The following RBMS3 variants were observed in gnomAD, a reference collection of about 807,000 sequenced individuals.
RBMS3 encodes RNA-binding motif, single-stranded-interacting protein 3.
A neutral mutation model predicts 66.8 loss-of-function variants in RBMS3; 27 were observed. The observed-to-expected ratio is 0.40, with a 90% CI of 0.30 to 0.56. The LOEUF is 0.56. Ranked by LOEUF, RBMS3 falls within the 20% of genes least tolerant of loss-of-function variation. The pLI, the probability that RBMS3 is intolerant of heterozygous loss-of-function variation, is 0.40. For synonymous variants in RBMS3, 188 were observed against 183.0 expected (o/e 1.03, Z -0.22); for missense variants, 513 against 549.5 (o/e 0.93, Z 0.66).
intron 1 of RBMS3, among the ~76,000 whole-genome samples, chr3:29,398,174 G>A (rs2039642778): frequency 6.6e-6 from 1 of 152,178 alleles, no homozygotes; most frequent in Non-Finnish European, 1.5e-5. Flanking sequence ...TAGAGGTAAT[G>A]ATGAGATGAA....
At chr3:29,741,531 C>T (rs76471990) in intron 5 of RBMS3, among the ~76,000 whole-genome samples, 3,449 of 152,302 alleles carry the variant, frequency 0.023, 54 homozygotes, top group Non-Finnish European at 0.032. Flanking sequence ...CCTCCAAAAA[C>T]TCTCCAATAA....
At chr3:29,329,842 A>C (rs1192211056) in intron 1 of RBMS3, among the ~76,000 whole-genome samples, 1 of 148,072 alleles carries the variant, frequency 6.8e-6, no homozygotes, top group African/African-American at 2.4e-5. Context: ...AATCATGTGA[A>C]AAATTTTAAT....
At chr3:29,922,134 C>G (rs919558950) in intron 10 of RBMS3, among the ~76,000 whole-genome samples, 2 of 152,218 alleles carry the variant, frequency 1.3e-5, no homozygotes, top group Non-Finnish European at 2.9e-5. Flanking sequence ...GTGAAACTTA[C>G]TCTATTATAG....
chr3:29,538,985 AT>A (rs893743459), intron 3 of RBMS3, among the ~76,000 whole-genome samples: 88 of 152,164 alleles, frequency 5.8e-4, no homozygotes, highest in African/African-American at 2.0e-3. Flanking sequence ...AAATAACCCC[AT>A]TTTTTTGCTT....
intron 1 of RBMS3, among the ~76,000 whole-genome samples, chr3:29,389,309 G>A (rs1290756733): frequency 6.6e-6 from 1 of 152,014 alleles, no homozygotes; most frequent in Non-Finnish European, 1.5e-5. Context: ...CCTCTGATAA[G>A]GTAAGTTTAT....
intron 10 of RBMS3, chr3:29,934,223 A>T (rs927346281): frequency 4.6e-5 from 7 of 152,094 alleles, no homozygotes; most frequent in African/African-American, 1.7e-4. Context: ...TATTCTAAAA[A>T]GATAACCTGT....
At chr3:29,455,220 AG>A (rs2042145653) in intron 2 of RBMS3, among the ~76,000 whole-genome samples, 1 of 152,116 alleles carries the variant, frequency 6.6e-6, no homozygotes, top group Admixed American at 6.6e-5. Context: ...CCTGTGTTCT[AG>A]TTCTTTAATA....
intron 1 of RBMS3, among the ~76,000 whole-genome samples, chr3:29,407,583 C>T (rs950591141): frequency 3.3e-5 from 5 of 152,114 alleles, no homozygotes; most frequent in African/African-American, 1.2e-4. Flanking sequence ...GTCAAATAAT[C>T]TTAATATAGA....
In RBMS3 at chr3:29,423,209, G is replaced by A. The variant is rs2040819105; in HGVS notation, c.76-11534G>A. Among the ~76,000 whole-genome samples, 3 of 152,252 alleles carry A rather than the reference G, an allele frequency of 2.0e-5. 1 individual carries two copies. The South Asian group carries it at 6.2e-4, about 32-fold the overall frequency. On this transcript the variant is annotated intron_variant, in intron 1 of 14. Coordinates refer to ENST00000383767, the MANE Select transcript of RBMS3 (RefSeq NM_001003793.3). ...TGAAAATGCTGAGGGCCCCAGGCAG[G>A]CAGCTTGTCTGCCAAAGAGAGACAC...
chr3:29,907,292 T>A (rs1226236835), intron 10 of RBMS3, among the ~76,000 whole-genome samples: 1 of 152,176 alleles, frequency 6.6e-6, no homozygotes, highest in Non-Finnish European at 1.5e-5. Context: ...CATTCTCAGC[T>A]TTTCCAGGTC....
chr3:29,479,031 A>T (rs2043044213), intron 2 of RBMS3, among the ~76,000 whole-genome samples: 1 of 152,192 alleles, frequency 6.6e-6, no homozygotes, highest in Non-Finnish European at 1.5e-5. Flanking sequence ...GAGCTTATTC[A>T]CTATACATAG....
chr3:29,354,300 C>T (rs2037089935), intron 1 of RBMS3, among the ~76,000 whole-genome samples: 1 of 152,028 alleles, frequency 6.6e-6, no homozygotes, highest in South Asian at 2.1e-4. Context: ...ATATTAATTT[C>T]CACAAGTATT....
chr3:29,295,195 C>T (rs1023447256), intron 1 of RBMS3, among the ~76,000 whole-genome samples: 3 of 149,988 alleles, frequency 2.0e-5, no homozygotes, highest in African/African-American at 4.9e-5. Flanking sequence ...GCTGAATCTC[C>T]TATGTTTGTT....
intron 1 of RBMS3, among the ~76,000 whole-genome samples, chr3:29,403,854 C>T (rs1348430056): frequency 6.6e-6 from 1 of 152,032 alleles, no homozygotes; most frequent in Non-Finnish European, 1.5e-5. Context: ...AATCCATCCC[C>T]AACACAGACA....
At chr3:29,313,252 G>C (rs2034486371) in intron 1 of RBMS3, among the ~76,000 whole-genome samples, 1 of 151,720 alleles carries the variant, frequency 6.6e-6, no homozygotes, top group African/African-American at 2.4e-5. Context: ...ATCTGGTCTT[G>C]TTTAATGCAC....
intron 8 of RBMS3, 95 bp downstream of exon 8, chr3:29,884,303 G>C: frequency 1.7e-6 from 2 of 1,189,288 alleles, no homozygotes; most frequent in Non-Finnish European, 2.4e-6. Flanking sequence ...TTTTGCTTTT[G>C]TTTTACATCC....
chr3:29,329,353 G>A (rs1050440630), intron 1 of RBMS3, among the ~76,000 whole-genome samples: 1 of 152,122 alleles, frequency 6.6e-6, no homozygotes, highest in Admixed American at 6.6e-5. Flanking sequence ...TGGAAGGGCA[G>A]GTGGTTGAGA....
chr3:29,452,498 G>A (rs928850714), intron 2 of RBMS3, among the ~76,000 whole-genome samples: 2 of 152,104 alleles, frequency 1.3e-5, no homozygotes, highest in Non-Finnish European at 2.9e-5. Context: ...AAAAAAGAGA[G>A]ATTTAGGATT....
chr3:29,618,112 G>T (rs945048012), intron 4 of RBMS3, among the ~76,000 whole-genome samples: 1 of 152,162 alleles, frequency 6.6e-6, no homozygotes, highest in African/African-American at 2.4e-5. Flanking sequence ...AGAAGATGGG[G>T]CTATTCATAG....
Sources: gnomAD v4.1 joint callset for allele counts (sites outside exome capture counted in the v4.1 genomes callset) on GRCh38, gnomAD v4.1.1 for gene constraint, MANE v1.5 for transcripts, NCBI Gene and HGNC (gene_info 2026-07-23, HGNC 2026-07-21) for gene names.